PECAM1: variants seen among roughly 807,000 people sequenced by gnomAD.
PECAM1 encodes platelet and endothelial cell adhesion molecule 1, also known as platelet endothelial cell adhesion molecule.
A neutral mutation model predicts 13.8 loss-of-function variants in PECAM1; 8 were observed. That is an observed-to-expected ratio of 0.58 (90% CI 0.34 to 1.05). The LOEUF is 1.05. Ranked by LOEUF, PECAM1 falls within the 50% of genes least tolerant of loss-of-function variation. The pLI, the probability that PECAM1 is intolerant of heterozygous loss-of-function variation, is 0.03. For missense variants in PECAM1, 304 were observed against 141.2 expected, an observed-to-expected ratio of 2.15 and a Z score of -5.84; for synonymous variants, 136 against 52.6, an observed-to-expected ratio of 2.58 and a Z score of -6.86.
intron 5 of PECAM1, among the ~76,000 whole-genome samples, chr17:64,369,473 C>T (rs969038820): frequency 3.3e-5 from 5 of 152,148 alleles, no homozygotes; most frequent in African/African-American, 7.2e-5. Context: ...CATCTCACAG[C>T]GCTGCGGCAC....
chr17:64,386,539 AAG>A (rs2143914916), intron 2 of PECAM1, among the ~76,000 whole-genome samples: 1 of 152,326 alleles, frequency 6.6e-6, no homozygotes, highest in South Asian at 2.1e-4. Flanking sequence ...AATTTAAAAA[AAG>A]ACTTTGTTTG....
intron 12 of PECAM1, among the ~76,000 whole-genome samples, chr17:64,348,986 C>T (rs2035649027): frequency 6.6e-6 from 1 of 152,036 alleles, no homozygotes. Context: ...GAAAACAGCC[C>T]AGTATCAGCC....
At chr17:64,324,354 C>T (rs1555645182) in intron 15 of PECAM1, among the ~76,000 whole-genome samples, 1 of 152,118 alleles carries the variant, frequency 6.6e-6, no homozygotes, top group Admixed American at 6.6e-5. Context: ...CTCACTACAC[C>T]CTCCCTCTCC....
chr17:64,343,472 G>A (rs1001433094), intron 13 of PECAM1, among the ~76,000 whole-genome samples: 3 of 152,156 alleles, frequency 2.0e-5, no homozygotes, highest in South Asian at 2.1e-4. Flanking sequence ...TCCCAAGTCC[G>A]TCTCCCTGGC....
At chr17:64,332,616 G>A (rs2035155705) in intron 14 of PECAM1, among the ~76,000 whole-genome samples, 1 of 152,188 alleles carries the variant, frequency 6.6e-6, no homozygotes, top group African/African-American at 2.4e-5. Flanking sequence ...AGTGCCCTCT[G>A]GCCTCACTGG....
chr17:64,377,436 AC>A (rs1414463491), intron 3 of PECAM1: 1 of 153,264 alleles, frequency 6.5e-6, no homozygotes, highest in African/African-American at 2.4e-5. Flanking sequence ...ACACAGTGAA[AC>A]CCCATCTCTA....
chr17:64,358,111 CTTTT>C (rs141671796), intron 7 of PECAM1, among the ~76,000 whole-genome samples: 3,967 of 71,310 alleles, frequency 0.056, 129 homozygotes, highest in African/African-American at 0.2. Flanking sequence ...TGGCCACAGT[CTTTT>C]TTTTTTTTTT....
intron 14 of PECAM1, among the ~76,000 whole-genome samples, chr17:64,338,173 C>G (rs1177671357): frequency 2.0e-5 from 3 of 151,264 alleles, no homozygotes; most frequent in Admixed American, 6.6e-5. Flanking sequence ...GCAGCTGGGA[C>G]TACAGGCATG....
intron 9 of PECAM1, among the ~76,000 whole-genome samples, chr17:64,353,796 A>G (rs1485525458): frequency 6.6e-6 from 1 of 152,172 alleles, no homozygotes; most frequent in Non-Finnish European, 1.5e-5. Flanking sequence ...TCTTGGTCTT[A>G]TACCAAGATA....
intron 2 of PECAM1, among the ~76,000 whole-genome samples, chr17:64,384,715 G>C (rs1401527561): frequency 6.6e-6 from 1 of 152,116 alleles, no homozygotes; most frequent in Admixed American, 6.6e-5. Flanking sequence ...AATCTAATGA[G>C]ACCCGGTGCC....
At chr17:64,331,072 C>T (rs1296710587) in intron 14 of PECAM1, among the ~76,000 whole-genome samples, 1 of 152,124 alleles carries the variant, frequency 6.6e-6, no homozygotes, top group African/African-American at 2.4e-5. Flanking sequence ...TTTGTCAATC[C>T]CTTCCAGGAG....
At chr17:64,384,406 C>T (rs2036549157) in intron 2 of PECAM1, among the ~76,000 whole-genome samples, 1 of 152,140 alleles carries the variant, frequency 6.6e-6, no homozygotes, top group South Asian at 2.1e-4. Flanking sequence ...CCCCAATGGT[C>T]CTTGCCCTCT....
chr17:64,381,759 C>T (rs2036485897), intron 2 of PECAM1, among the ~76,000 whole-genome samples: 1 of 152,174 alleles, frequency 6.6e-6, no homozygotes, highest in Non-Finnish European at 1.5e-5. Flanking sequence ...ATGCAACTTA[C>T]AAGCTCCTGA....
intron 14 of PECAM1, among the ~76,000 whole-genome samples, chr17:64,330,169 C>T (rs1343114293): frequency 6.6e-6 from 1 of 151,956 alleles, no homozygotes; most frequent in Admixed American, 6.6e-5. Flanking sequence ...GCGCACACCA[C>T]CATGCCTGGC....
chr17:64,344,583 ACCCCTCCTCCATAGGAGGAGG>A (rs1478369559), intron 13 of PECAM1, among the ~76,000 whole-genome samples: 5 of 151,178 alleles, frequency 3.3e-5, no homozygotes, highest in Non-Finnish European at 7.4e-5. Flanking sequence ...GTGGTTCCCA[ACCCCTCCTCCATAGGAGGAGG>A]AAGTCTTGAG....
chr17:64,370,671 C>T (rs2036219126), intron 4 of PECAM1, among the ~76,000 whole-genome samples: 1 of 152,138 alleles, frequency 6.6e-6, no homozygotes, highest in Admixed American at 6.6e-5. Flanking sequence ...CATAGTGAGA[C>T]CCTATCTCTA....
chr17:64,358,111 CTTTTTT>C (rs141671796), intron 7 of PECAM1, among the ~76,000 whole-genome samples: 22 of 71,552 alleles, frequency 3.1e-4, no homozygotes, highest in Middle Eastern at 0.021. Flanking sequence ...TGGCCACAGT[CTTTTTT>C]TTTTTTTTTT....
Position 64,360,814 on chromosome 17 carries a change from ATGTGTGTG to A in PECAM1, c.1217-407_1217-400del, listed in dbSNP as rs144008571. 2.8e-4 allele frequency among the ~76,000 whole-genome samples: 40 copies of A among 141,438 alleles called. 1 individual carries two copies. The East Asian group carries it at 4.1e-3, about 14-fold the overall frequency. 92.8% of individuals were successfully genotyped at this position (141,438 alleles called of 152,430 possible). A position where few individuals can be genotyped will look rare whatever the true frequency, so the allele number is the denominator to read the frequency against. ...AAAAGTACAACAAGTAGCCAACAAA[ATGTGTGTG>A]TGTGTGTGTGTGTGTGTGTGTGTAT... On this transcript the variant is annotated intron_variant, in intron 6 of 15. Coordinates refer to ENST00000563924, the MANE Select transcript of PECAM1 (RefSeq NM_000442.5).
At chr17:64,387,192 G>T (rs2036612503) in intron 2 of PECAM1, among the ~76,000 whole-genome samples, 1 of 152,168 alleles carries the variant, frequency 6.6e-6, no homozygotes, top group Non-Finnish European at 1.5e-5. Flanking sequence ...GCAGGAAAGG[G>T]GTACAGGGAG....
Sources: allele counts gnomAD v4.1 joint callset (sites outside exome capture counted in the v4.1 genomes callset), GRCh38; gene constraint gnomAD v4.1.1; transcripts MANE v1.5; gene names NCBI Gene and HGNC (gene_info 2026-07-23, HGNC 2026-07-21).